The following DAB1 variants were observed in gnomAD, a reference collection of about 807,000 sequenced individuals.
DAB1 encodes disabled homolog 1.
Under a neutral mutation model 64.6 loss-of-function variants are expected in DAB1, and 15 were observed. The observed-to-expected ratio is 0.23, with a 90% CI of 0.16 to 0.36. The LOEUF (loss-of-function observed/expected upper bound fraction) is 0.36. DAB1 is among the 10% of genes least tolerant of loss of function. The pLI, the probability that DAB1 is intolerant of heterozygous loss-of-function variation, is 1.00. For synonymous variants in DAB1, 235 were observed against 251.9 expected, an observed-to-expected ratio of 0.93 and a Z score of 0.64; for missense variants, 596 against 706.7, an observed-to-expected ratio of 0.84 and a Z score of 1.78.
chr1:57,092,277 G>C (rs1431006487), intron 4 of DAB1, among the ~76,000 whole-genome samples: 1 of 152,120 alleles, frequency 6.6e-6, no homozygotes, highest in Admixed American at 6.6e-5. Context: ...CATGGCGCCT[G>C]CTCCTTTTAA....
At chr1:58,155,678 C>T (rs1464347805) in intron 4 of DAB1, among the ~76,000 whole-genome samples, 8 of 152,304 alleles carry the variant, frequency 5.3e-5, no homozygotes, top group Non-Finnish European at 2.9e-5. Context: ...GCAGGTCCGG[C>T]TATCAGAGCA....
chr1:57,138,263 C>T (rs770529224), intron 3 of DAB1, among the ~76,000 whole-genome samples: 1 of 152,038 alleles, frequency 6.6e-6, no homozygotes, highest in Non-Finnish European at 1.5e-5. Context: ...ACTAATAGAT[C>T]CAACTTTCTC....
At chr1:57,655,071 G>T (rs1646300354) in intron 6 of DAB1, among the ~76,000 whole-genome samples, 1 of 151,894 alleles carries the variant, frequency 6.6e-6, no homozygotes, top group Admixed American at 6.6e-5. Context: ...GTCTGTTTTG[G>T]GGCTGTATAT....
At chr1:57,506,680 C>G (rs2793623) in intron 7 of DAB1, among the ~76,000 whole-genome samples, 11,855 of 152,178 alleles carry the variant, frequency 0.078, 1,440 homozygotes, top group African/African-American at 0.26. Context: ...ACTTAACAGC[C>G]TGCTCAGCTG....
chr1:57,182,326 C>T (rs1425166350), intron 2 of DAB1, among the ~76,000 whole-genome samples: 1 of 152,206 alleles, frequency 6.6e-6, no homozygotes, highest in Admixed American at 6.5e-5. Flanking sequence ...ATCAGTAATG[C>T]TCATAATAAA....
At chr1:57,812,163 G>C (rs563401190) in intron 6 of DAB1, among the ~76,000 whole-genome samples, 4 of 151,920 alleles carry the variant, frequency 2.6e-5, no homozygotes, top group African/African-American at 9.7e-5. Context: ...TCATGGAGAA[G>C]GTGCCAGTAT....
chr1:58,027,445 G>T (rs946770879), intron 5 of DAB1, among the ~76,000 whole-genome samples: 1 of 152,082 alleles, frequency 6.6e-6, no homozygotes, highest in Admixed American at 6.6e-5. Context: ...ACATAATAAT[G>T]ATAGTCAGTG....
chr1:58,042,951 G>C (rs114300461), intron 5 of DAB1, among the ~76,000 whole-genome samples: 2,038 of 152,300 alleles, frequency 0.013, 41 homozygotes, highest in African/African-American at 0.043. Context: ...TAGAGGTAAA[G>C]ATTCTAAGAG....
rs79953646 is a variant in DAB1 at position 58,117,612 on chromosome 1, C to T, written n.387+32899G>A. The stretch of plus-strand genomic sequence containing the variant: ...GATTCCACTGTCTTTCTGTTTCTAC[C>T]GCTGTCACACAGAATCAATGAAGCA... On this transcript the variant is annotated intron_variant and non_coding_transcript_variant, in intron 5 of 20. Transcript: ENST00000485760. Among the ~76,000 whole-genome samples the T allele has an allele frequency of 6.8e-3, 1,029 of 152,236 alleles. 12 individuals are homozygous for T. Among genetic ancestry groups the T allele is most frequent in the African/African-American group, 0.024 (978 of 41,540 alleles).
chr1:58,423,070 T>C (rs1312590994), intron 3 of DAB1, among the ~76,000 whole-genome samples: 1 of 152,148 alleles, frequency 6.6e-6, no homozygotes, highest in Admixed American at 6.5e-5. Context: ...TCATACCACC[T>C]CTTCCCTGTT....
intron 1 of DAB1, among the ~76,000 whole-genome samples, chr1:57,407,995 C>G (rs985420526): frequency 1.3e-5 from 2 of 152,178 alleles, no homozygotes; most frequent in African/African-American, 4.8e-5. Flanking sequence ...ATAAATGGTT[C>G]TGACTCCACT....
At chr1:58,462,916 C>T (rs1034088687) in intron 3 of DAB1, 4 of 152,124 alleles carry the variant, frequency 2.6e-5, no homozygotes, top group African/African-American at 9.7e-5. Context: ...GGACAACTGT[C>T]GTTCTTATTG....
intron 1 of DAB1, among the ~76,000 whole-genome samples, chr1:57,391,775 AC>A (rs879827061): frequency 0.41 from 58,216 of 142,026 alleles, 11,885 homozygotes; most frequent in African/African-American, 0.48. Context: ...AAACACACAC[AC>A]ACACACACAC....
chr1:58,351,942 G>A (rs1644062758), intron 3 of DAB1, among the ~76,000 whole-genome samples: 1 of 150,134 alleles, frequency 6.7e-6, no homozygotes, highest in African/African-American at 2.5e-5. Flanking sequence ...GAGTAGGATG[G>A]GAATGCAAGT....
At chr1:57,571,814 T>C (rs1195501199) in intron 7 of DAB1, among the ~76,000 whole-genome samples, 2 of 152,208 alleles carry the variant, frequency 1.3e-5, no homozygotes, top group African/African-American at 4.8e-5. Flanking sequence ...ATTTGGGTTC[T>C]AGCCCCAGGT....
intron 6 of DAB1, among the ~76,000 whole-genome samples, chr1:57,700,970 C>A (rs1030600546): frequency 2.6e-5 from 4 of 152,102 alleles, no homozygotes; most frequent in African/African-American, 9.7e-5. Flanking sequence ...CCATCACTGG[C>A]CATCAGAGAA....
intron 7 of DAB1, among the ~76,000 whole-genome samples, chr1:57,488,710 A>G (rs539751099): frequency 2.8e-4 from 43 of 152,018 alleles, no homozygotes; most frequent in Middle Eastern, 6.8e-3. Context: ...AAAAATAAAA[A>G]TAAAAATTAT....
chr1:57,193,060 T>C (rs919216610), intron 2 of DAB1, among the ~76,000 whole-genome samples: 1 of 152,344 alleles, frequency 6.6e-6, no homozygotes, highest in South Asian at 2.1e-4. Context: ...TATCTTTTTG[T>C]GTGTGTGGCA....
At chr1:58,380,789 A>G (rs1644380329) in intron 3 of DAB1, among the ~76,000 whole-genome samples, 1 of 152,208 alleles carries the variant, frequency 6.6e-6, no homozygotes. Context: ...GGACACCATG[A>G]TGGGCATGGA....
Sources: gnomAD v4.1 joint callset for allele counts (sites outside exome capture counted in the v4.1 genomes callset) on GRCh38, gnomAD v4.1.1 for gene constraint, MANE v1.5 for transcripts, NCBI Gene and HGNC (gene_info 2026-07-23, HGNC 2026-07-21) for gene names.